TSC22D3: variants seen among roughly 807,000 people sequenced by gnomAD.
The protein encoded by TSC22D3 is TSC22 domain family member 3.
Under a neutral mutation model 11.1 loss-of-function variants are expected in TSC22D3, and 4 were observed. That is an observed-to-expected ratio of 0.36 (90% CI 0.18 to 0.83). The LOEUF (loss-of-function observed/expected upper bound fraction) is 0.83. Among genes scored for constraint, TSC22D3 ranks in the 40% least tolerant of loss-of-function variants. The pLI is 0.48. For synonymous variants in TSC22D3, 77 were observed against 70.3 expected, an observed-to-expected ratio of 1.10 and a Z score of -0.48; for missense variants, 118 against 159.4, an observed-to-expected ratio of 0.74 and a Z score of 1.40.
intron 1 of TSC22D3, among the ~76,000 whole-genome samples, chrX:107,725,402 C>T (rs762772428): frequency 5.4e-5 from 6 of 111,110 alleles, no homozygotes; most frequent in African/African-American, 1.3e-4. Context: ...AGGCGTGGGG[C>T]GGGAGAAGGG....
chrX:107,715,833 C>A, intron 2 of TSC22D3, 66 bp downstream of exon 2: 1 of 1,177,707 alleles, frequency 8.5e-7, no homozygotes, highest in East Asian at 3.0e-5. Flanking sequence ...TTCCCTCAAT[C>A]CTGCCCAGAG....
At position 107,715,403 on chromosome X, in the gene TSC22D3, G is replaced by A. The variant is rs190207168; in HGVS notation, c.372+496C>T. Reference sequence around the variant, plus strand: ...GGGCACAATTAAGTGGCTCCCAACCGCTGAAGCCCTAACCCTCTGCAGCCA... The same window carrying A: ...GGGCACAATTAAGTGGCTCCCAACCACTGAAGCCCTAACCCTCTGCAGCCA... On this transcript the variant is annotated intron_variant, in intron 2 of 2. Transcript: ENST00000372383. Among the ~76,000 whole-genome samples, 3 of 112,199 alleles carry A rather than the reference G, an allele frequency of 2.7e-5. No homozygotes were observed. The East Asian group carries it at 8.4e-4, about 31-fold the overall frequency.
intron 1 of TSC22D3, among the ~76,000 whole-genome samples, chrX:107,737,721 T>C (rs1046052131): frequency 3.6e-5 from 4 of 112,216 alleles, no homozygotes; most frequent in Non-Finnish European, 7.5e-5. Context: ...AAAAATTTAT[T>C]GAGCCCCTAC....
intron 1 of TSC22D3, among the ~76,000 whole-genome samples, chrX:107,738,997 C>T (rs1402605810): frequency 8.8e-6 from 1 of 113,136 alleles, no homozygotes; most frequent in Admixed American, 9.2e-5. Context: ...GTGGTCTTGG[C>T]ACTGCCCGGC....
chrX:107,716,957 G>A lies in TSC22D3; in HGVS notation c.321-1007C>T, dbSNP rs191148192. The A allele has an allele frequency of 2.4e-3, 2,609 of 1,072,607 alleles. 38 individuals carry two copies. In the African/African-American group the frequency reaches 0.045, roughly 18 times the overall value. 88.4% of individuals were successfully genotyped at this position (1,072,607 alleles called of 1,213,427 possible). A position where few individuals can be genotyped will look rare whatever the true frequency, so the allele number is the denominator to read the frequency against. On this transcript the variant is annotated intron_variant, in intron 1 of 2. Coordinates refer to ENST00000372383, the MANE Select transcript of TSC22D3 (RefSeq NM_198057.3). The stretch of plus-strand genomic sequence containing the variant: ...AGGAGCGGGGCGAAGGCTGCAGAAC[G>A]AACCCAAAGCCAAGCAGGCGCTCCA...
intron 1 of TSC22D3, among the ~76,000 whole-genome samples, chrX:107,717,434 C>G (rs888297734): frequency 6.2e-5 from 7 of 112,472 alleles, no homozygotes; most frequent in Non-Finnish European, 9.4e-5. Flanking sequence ...TCCCTGGACA[C>G]GCGCCCTCAC....
At chrX:107,721,907 A>G (rs1569447769) in intron 1 of TSC22D3, 2 of 512,857 alleles carry the variant, frequency 3.9e-6, no homozygotes, top group Non-Finnish European at 3.6e-6. Flanking sequence ...CTGAAATGCC[A>G]TGGTTTAATT....
intron 1 of TSC22D3, among the ~76,000 whole-genome samples, chrX:107,754,658 G>A (rs1929089634): frequency 8.9e-6 from 1 of 112,003 alleles, no homozygotes; most frequent in Non-Finnish European, 1.9e-5. Context: ...GCTCTAAATA[G>A]GAAAGAAGCT....
chrX:107,735,721 A>C (rs1602381790), intron 1 of TSC22D3, among the ~76,000 whole-genome samples: 3 of 95,558 alleles, frequency 3.1e-5, no homozygotes, highest in Non-Finnish European at 4.2e-5. Flanking sequence ...TCCCCTCAGC[A>C]CCCGCCCCCC....
rs748668681 is a variant in TSC22D3, at chrX:107,769,715, TCACA to T, written c.320+5381_320+5384del. Among the ~76,000 whole-genome samples, 690 of 101,487 alleles carry T rather than the reference TCACA, an allele frequency of 6.8e-3. 11 individuals are homozygous for T. The highest frequency in any genetic ancestry group is 0.019 in the African/African-American group (511 of 27,130). The allele number at this position is 101,487 out of a possible 115,157, so 88.1% of individuals were successfully genotyped here. A position where few individuals can be genotyped will look rare whatever the true frequency, so the allele number is the denominator to read the frequency against. On this transcript the variant is annotated intron_variant, in intron 1 of 2. Coordinates refer to ENST00000372383, the MANE Select transcript of TSC22D3 (RefSeq NM_198057.3). The stretch of plus-strand genomic sequence containing the variant: ...TATAATACATCTCTCTCTTTCTCTT[TCACA>T]CACACACACACACACACACACACAC...
chrX:107,756,823 C>T (rs956816689), intron 1 of TSC22D3, among the ~76,000 whole-genome samples: 1 of 112,764 alleles, frequency 8.9e-6, no homozygotes, highest in Non-Finnish European at 1.9e-5. Context: ...AGTGGACTTC[C>T]TCTGCTTTAG....
intron 1 of TSC22D3, among the ~76,000 whole-genome samples, chrX:107,745,129 C>A (rs780470394): frequency 5.4e-5 from 6 of 111,976 alleles, no homozygotes; most frequent in African/African-American, 1.3e-4. Context: ...TTGACTTAAC[C>A]ACCCCCTCCC....
At chrX:107,719,473 G>A (rs964712467) in intron 1 of TSC22D3, among the ~76,000 whole-genome samples, 2 of 112,377 alleles carry the variant, frequency 1.8e-5, no homozygotes, top group African/African-American at 6.5e-5. Context: ...TGTGCTGGCT[G>A]CACCACCAAC....
At chrX:107,715,380 G>A (rs1926957337) in intron 2 of TSC22D3, among the ~76,000 whole-genome samples, 1 of 111,905 alleles carries the variant, frequency 8.9e-6, no homozygotes, top group African/African-American at 3.3e-5. Context: ...AAGCTCCAGG[G>A]CACAATTAAG....
At chrX:107,750,724 G>T (rs955146581) in intron 1 of TSC22D3, among the ~76,000 whole-genome samples, 1 of 111,238 alleles carries the variant, frequency 9.0e-6, no homozygotes, top group Non-Finnish European at 1.9e-5. Flanking sequence ...ATCAGATACC[G>T]CAGGTAGGTA....
At chrX:107,726,148 C>A (rs1256012637) in intron 1 of TSC22D3, among the ~76,000 whole-genome samples, 2 of 112,028 alleles carry the variant, frequency 1.8e-5, no homozygotes, top group Admixed American at 1.9e-4. Context: ...TGCTTGTGAG[C>A]CCCTCCCTGG....
chrX:107,762,846 C>CTTTTTTTTTTTTT (rs1170456785), intron 1 of TSC22D3, among the ~76,000 whole-genome samples: 1 of 44,801 alleles, frequency 2.2e-5, no homozygotes, highest in African/African-American at 8.1e-5. Flanking sequence ...TGCACATGTA[C>CTTTTTTTTTTTTT]TTTTTTTTTT....
At chrX:107,747,933 C>A (rs955047054) in intron 1 of TSC22D3, among the ~76,000 whole-genome samples, 22 of 112,340 alleles carry the variant, frequency 2.0e-4, no homozygotes, top group African/African-American at 7.1e-4. Flanking sequence ...GGGAGAGAAA[C>A]CCTGAACCCT....
chrX:107,750,224 T>A (rs1928874275), intron 1 of TSC22D3, among the ~76,000 whole-genome samples: 1 of 110,413 alleles, frequency 9.1e-6, no homozygotes, highest in Admixed American at 9.6e-5. Context: ...GCAATACTCC[T>A]GCTTTCTCGC....
Sources: allele counts gnomAD v4.1 joint callset (sites outside exome capture counted in the v4.1 genomes callset), GRCh38; gene constraint gnomAD v4.1.1; transcripts MANE v1.5; gene names NCBI Gene and HGNC (gene_info 2026-07-23, HGNC 2026-07-21).